Variants in GALNTL6 observed in about 807,000 individuals in gnomAD.
The protein encoded by GALNTL6 is polypeptide N-acetylgalactosaminyltransferase-like 6.
GALNTL6 carries 46 observed loss-of-function variants against 73.7 expected under a neutral mutation model. The observed-to-expected ratio is 0.62, with a 90% CI of 0.49 to 0.80. The LOEUF (loss-of-function observed/expected upper bound fraction) is 0.80. GALNTL6 is among the 30% of genes least tolerant of loss of function. The probability of loss-of-function intolerance (pLI) is 0.00; values close to 1 mark genes in which losing one functional copy is unlikely to be tolerated. For synonymous variants in GALNTL6, 259 were observed against 263.7 expected, an observed-to-expected ratio of 0.98 and a Z score of 0.17; for missense variants, 604 against 755.0, an observed-to-expected ratio of 0.80 and a Z score of 2.34.
chr4:172,156,543 A>ATATGTATATATATATAC (rs1560945560), intron 2 of GALNTL6, among the ~76,000 whole-genome samples: 135 of 19,342 alleles, frequency 7.0e-3, no homozygotes, highest in East Asian at 0.013. Flanking sequence ...TATATATAAT[A>ATATGTATATATATATAC]TATATATATA....
At chr4:172,066,433 A>G (rs1381408528) in intron 2 of GALNTL6, among the ~76,000 whole-genome samples, 1 of 151,976 alleles carries the variant, frequency 6.6e-6, no homozygotes, top group Non-Finnish European at 1.5e-5. Flanking sequence ...TCTTTGCTTT[A>G]GTAAGATAAA....
At chr4:172,674,903 C>T (rs1423205409) in intron 5 of GALNTL6, among the ~76,000 whole-genome samples, 1 of 152,164 alleles carries the variant, frequency 6.6e-6, no homozygotes, top group African/African-American at 2.4e-5. Context: ...AACTTCCTTG[C>T]ACTGGGTTTC....
rs138690533 is a variant in GALNTL6 at position 172,722,109 on chromosome 4, C to A, written c.554-87252C>A. On this transcript the variant is annotated intron_variant, in intron 5 of 12. Coordinates refer to ENST00000506823, the MANE Select transcript of GALNTL6 (RefSeq NM_001034845.3). ...ATCAGTCTATCTTTTGTGTACCCAG[C>A]AATGTACAAACCAAACCCCAGTTGT... 4.4e-3 allele frequency among the ~76,000 whole-genome samples: 666 copies of A among 152,014 alleles called. 4 individuals are homozygous for A. Among genetic ancestry groups the A allele is most frequent in the African/African-American group, 0.015 (639 of 41,482 alleles).
chr4:172,985,742 C>T (rs1027111744), intron 10 of GALNTL6, among the ~76,000 whole-genome samples: 7 of 152,184 alleles, frequency 4.6e-5, no homozygotes, highest in African/African-American at 1.7e-4. Context: ...GTGGGAACCA[C>T]AAGACCAGAT....
At chr4:172,153,215 G>A (rs921875183) in intron 2 of GALNTL6, among the ~76,000 whole-genome samples, 6 of 152,098 alleles carry the variant, frequency 3.9e-5, no homozygotes, top group African/African-American at 4.8e-5. Context: ...AAAGAAGAGC[G>A]GAAACTCGTA....
intron 5 of GALNTL6, among the ~76,000 whole-genome samples, chr4:172,780,429 G>A (rs540215547): frequency 1.5e-4 from 23 of 152,252 alleles, no homozygotes; most frequent in African/African-American, 4.8e-4. Context: ...TAACCTATAC[G>A]AAGACTAAAT....
intron 2 of GALNTL6, among the ~76,000 whole-genome samples, chr4:172,180,701 A>C (rs1343853144): frequency 6.6e-6 from 1 of 152,188 alleles, no homozygotes; most frequent in African/African-American, 2.4e-5. Context: ...TTTATTCAAT[A>C]GGGAACCCTT....
intron 3 of GALNTL6, among the ~76,000 whole-genome samples, chr4:172,283,102 C>A (rs1419887726): frequency 1.3e-5 from 2 of 152,078 alleles, no homozygotes; most frequent in Non-Finnish European, 2.9e-5. Flanking sequence ...GATAATCCAA[C>A]ATCTCTGCGA....
chr4:172,671,007 A>G (rs886245784), intron 5 of GALNTL6, among the ~76,000 whole-genome samples: 5 of 152,012 alleles, frequency 3.3e-5, no homozygotes, highest in Non-Finnish European at 7.4e-5. Context: ...CCATTGGTCT[A>G]TGTGTCTGTT....
intron 5 of GALNTL6, among the ~76,000 whole-genome samples, chr4:172,561,195 G>C (rs1344311981): frequency 6.8e-6 from 1 of 146,226 alleles, no homozygotes; most frequent in Non-Finnish European, 1.5e-5. Context: ...GGAGCTTGCA[G>C]TGAGCCGAGA....
At chr4:172,392,252 A>G (rs956624329) in intron 5 of GALNTL6, among the ~76,000 whole-genome samples, 4 of 152,106 alleles carry the variant, frequency 2.6e-5, no homozygotes, top group African/African-American at 9.7e-5. Flanking sequence ...ACCTCCCAAA[A>G]TGCTGGAATC....
intron 5 of GALNTL6, among the ~76,000 whole-genome samples, chr4:172,568,630 C>A (rs970337727): frequency 1.3e-5 from 2 of 150,946 alleles, no homozygotes; most frequent in Non-Finnish European, 3.0e-5. Context: ...TGATGGTGGG[C>A]GCCTGTAGTC....
intron 5 of GALNTL6, among the ~76,000 whole-genome samples, chr4:172,631,539 T>C (rs923919325): frequency 2.6e-5 from 4 of 152,246 alleles, no homozygotes; most frequent in Non-Finnish European, 1.5e-5. Context: ...AATATCATTA[T>C]TTAACTACTT....
At chr4:171,901,167 T>G (rs1737081634) in intron 2 of GALNTL6, among the ~76,000 whole-genome samples, 1 of 152,194 alleles carries the variant, frequency 6.6e-6, no homozygotes, top group African/African-American at 2.4e-5. Context: ...TTGATACTGC[T>G]TAACCAGCAA....
intron 5 of GALNTL6, among the ~76,000 whole-genome samples, chr4:172,635,112 G>A (rs1181145337): frequency 2.0e-5 from 3 of 152,194 alleles, no homozygotes; most frequent in African/African-American, 7.2e-5. Flanking sequence ...TAATCATGAA[G>A]CACTAAGAAA....
chr4:172,057,727 AATATATATATAT>A lies in GALNTL6; in HGVS notation c.139-171909_139-171898del, dbSNP rs147660032. 1.0e-3 allele frequency among the ~76,000 whole-genome samples: 46 copies of A among 46,154 alleles called. 1 individual carries two copies. The highest frequency in any genetic ancestry group is 3.6e-3 in the African/African-American group (44 of 12,210). The allele number at this position is 46,154 out of a possible 152,430, so 30.3% of individuals were successfully genotyped here. A position where few individuals can be genotyped will look rare whatever the true frequency, so the allele number is the denominator to read the frequency against. The stretch of plus-strand genomic sequence containing the variant: ...AAAAAAAAAAAAAAAAAAAAAAAAA[AATATATATATAT>A]ATATATATATATATATATAAATCAA... On this transcript the variant is annotated intron_variant, in intron 2 of 12. Transcript: ENST00000506823.
intron 4 of GALNTL6, among the ~76,000 whole-genome samples, chr4:172,317,584 A>G: frequency 6.6e-6 from 1 of 152,204 alleles, no homozygotes; most frequent in Non-Finnish European, 1.5e-5. Context: ...TATTAGAAAG[A>G]ATAGTTATGT....
intron 3 of GALNTL6, among the ~76,000 whole-genome samples, chr4:172,264,908 T>C (rs371355156): frequency 9.9e-5 from 15 of 151,562 alleles, no homozygotes; most frequent in East Asian, 3.9e-4. Context: ...GTCAAATTTA[T>C]ACAGTGCAAC....
intron 3 of GALNTL6, among the ~76,000 whole-genome samples, chr4:172,276,236 C>G (rs1346156587): frequency 6.6e-6 from 1 of 152,032 alleles, no homozygotes; most frequent in Non-Finnish European, 1.5e-5. Context: ...TTTATATCTT[C>G]CTTACATGAA....
Sources: allele counts gnomAD v4.1 joint callset (sites outside exome capture counted in the v4.1 genomes callset), GRCh38; gene constraint gnomAD v4.1.1; transcripts MANE v1.5; gene names NCBI Gene and HGNC (gene_info 2026-07-23, HGNC 2026-07-21).